Variants in CBX7 observed in about 807,000 individuals in gnomAD.
CBX7 encodes chromobox protein homolog 7.
In CBX7, 14 loss-of-function variants were observed where a neutral mutation model predicts 31.4. The observed-to-expected ratio is 0.45, with a 90% confidence interval of 0.29 to 0.70. CBX7 has a LOEUF of 0.70. Ranked by LOEUF, CBX7 falls within the 30% of genes least tolerant of loss-of-function variation. The pLI is 0.11. For missense variants in CBX7, 269 were observed against 351.9 expected (o/e 0.76, Z 1.89); for synonymous variants, 159 against 152.6 (o/e 1.04, Z -0.31).
chr22:39,141,586 T>C, intron 2 of CBX7, 150 bp from the exon 3 acceptor site: 1 of 565,326 alleles, frequency 1.8e-6, no homozygotes, highest in South Asian at 1.9e-5. Context: ...CCATCTCTAC[T>C]AAAAATACAA....
chr22:39,137,915 C>T (rs1296516403), intron 4 of CBX7, among the ~76,000 whole-genome samples: 2 of 152,134 alleles, frequency 1.3e-5, no homozygotes, highest in African/African-American at 2.4e-5. Context: ...GGCGCGGTGG[C>T]TCACGCCTGT....
intron 4 of CBX7, among the ~76,000 whole-genome samples, chr22:39,138,347 A>G (rs1930330855): frequency 6.6e-6 from 1 of 152,184 alleles, no homozygotes; most frequent in Admixed American, 6.5e-5. Context: ...TCCTTACAGC[A>G]AGATTCTAAG....
intron 3 of CBX7, 54 bp from the exon 4 acceptor site, chr22:39,138,756 G>C: frequency 6.5e-7 from 1 of 1,540,476 alleles, no homozygotes; most frequent in Non-Finnish European, 9.0e-7. Context: ...ACATCTAAGG[G>C]AAGGGAAGGC....
chr22:39,150,028 C>T (rs1291654428), intron 1 of CBX7, among the ~76,000 whole-genome samples, 196 bp from the exon 2 acceptor site: 1 of 152,170 alleles, frequency 6.6e-6, no homozygotes, highest in Non-Finnish European at 1.5e-5. Flanking sequence ...GCATGCCCGC[C>T]CCATACTGCC....
In CBX7 at chr22:39,131,998, TG is replaced by T. The variant is rs1468948702; in HGVS notation, c.*1892del. The T allele has an allele frequency of 3.3e-5, 5 of 152,384 alleles. No individual in the cohort carries two copies. Among genetic ancestry groups the T allele is most frequent in the African/African-American group, 1.2e-4 (5 of 41,442 alleles). 9.4% of individuals were successfully genotyped at this position (152,384 alleles called of 1,614,324 possible). A position where few individuals can be genotyped will look rare whatever the true frequency, so the allele number is the denominator to read the frequency against. ...ACAGCTGGAGATGGGTGGTGATTCCTGCCGCTCCTTGTCCAGACCCACCCCA... is the reference window on the plus strand; with the variant it reads ...ACAGCTGGAGATGGGTGGTGATTCCTCCGCTCCTTGTCCAGACCCACCCCA... On this transcript the variant is annotated 3_prime_UTR_variant, in exon 6 of 6. Transcript: ENST00000216133.
rs758093827 is a variant in CBX7 at position 39,133,978 on chromosome 22, G to A, written c.669C>T (p.Thr223=). 7.8e-5 allele frequency: 126 copies of A among 1,613,680 alleles called. No homozygotes were observed. The highest frequency in any genetic ancestry group is 9.9e-5 in the Non-Finnish European group (117 of 1,179,858). ...PALPSSEVTV[T]DITANSITVT... ...CGGTGATGGAGTTGGCGGTGATGTC[G>A]GTCACGGTCACCTCACTTGAGGGGA... Residue 223 remains threonine, a synonymous_variant, in exon 6 of 6, where the codon ACC becomes ACT. Coordinates refer to ENST00000216133, the MANE Select transcript of CBX7 (RefSeq NM_175709.5).
intron 2 of CBX7, among the ~76,000 whole-genome samples, chr22:39,142,918 G>C (rs2146362756): frequency 6.6e-6 from 1 of 152,094 alleles, no homozygotes; most frequent in South Asian, 2.1e-4. Context: ...GTGTGTTTGT[G>C]TCTTAGGTTT....
intron 2 of CBX7, chr22:39,149,574 C>G (rs191985014): frequency 2.9e-5 from 17 of 579,432 alleles, no homozygotes; most frequent in African/African-American, 2.3e-4. Context: ...CTCAGGAGGG[C>G]AGGGTGAGAA....
chr22:39,134,534 C>T lies in CBX7; in HGVS notation c.465G>A (p.Lys155=), dbSNP rs201581654. Residue 155 remains lysine (K), a synonymous_variant, in exon 5 of 6, where the codon AAG becomes AAA. Transcript: ENST00000216133. ...AHKYLRLSRK[K]FPPRGPNLES... ...CCAGGTTGGGCCCGCGGGGCGGGAA[C>T]TTCTTGCGCGAGAGCCGCAGGTACT... The T allele has an allele frequency of 1.1e-4, 175 of 1,611,292 alleles. 2 individuals are homozygous for T. In the Admixed American group the frequency reaches 2.9e-3, roughly 27 times the overall value.
At chr22:39,137,687 C>T (rs1930302628) in intron 4 of CBX7, among the ~76,000 whole-genome samples, 1 of 152,012 alleles carries the variant, frequency 6.6e-6, no homozygotes, top group South Asian at 2.1e-4. Flanking sequence ...CAACCTGTGA[C>T]TGCACTGCTC....
intron 2 of CBX7, among the ~76,000 whole-genome samples, chr22:39,143,823 G>A (rs1380080476): frequency 1.3e-5 from 2 of 151,350 alleles, no homozygotes; most frequent in African/African-American, 4.9e-5. Context: ...CAGCCCAGGC[G>A]TGCAGTGGGT....
chr22:39,143,058 A>C (rs1930515818), intron 2 of CBX7, among the ~76,000 whole-genome samples: 1 of 152,202 alleles, frequency 6.6e-6, no homozygotes, highest in Non-Finnish European at 1.5e-5. Context: ...GTTTGAGACA[A>C]GCCTGGCCAA....
chr22:39,144,174 G>A (rs767169376), intron 2 of CBX7, among the ~76,000 whole-genome samples: 2 of 152,146 alleles, frequency 1.3e-5, no homozygotes, highest in Non-Finnish European at 2.9e-5. Flanking sequence ...CAGAATGCTC[G>A]CCTCCTTGCT....
chr22:39,145,685 G>A (rs1398634477), intron 2 of CBX7, among the ~76,000 whole-genome samples: 2 of 150,598 alleles, frequency 1.3e-5, no homozygotes, highest in Non-Finnish European at 3.0e-5. Flanking sequence ...GCACGCACGG[G>A]GAGGGGCGCG....
chr22:39,143,149 G>A (rs1297926688), intron 2 of CBX7, among the ~76,000 whole-genome samples: 2 of 152,118 alleles, frequency 1.3e-5, no homozygotes, highest in Non-Finnish European at 2.9e-5. Flanking sequence ...AGCTACTCGG[G>A]AGGCTGAGGT....
intron 3 of CBX7, 150 bp from the exon 4 acceptor site, chr22:39,138,852 G>T: frequency 1.4e-6 from 1 of 720,344 alleles, no homozygotes. Flanking sequence ...TGCCTGGCTG[G>T]GGCCATAACA....
rs1010387274 is a variant in CBX7, at chr22:39,132,299, G to A, written c.*1592C>T. On this transcript the variant is annotated 3_prime_UTR_variant, in exon 6 of 6. Coordinates refer to ENST00000216133, the MANE Select transcript of CBX7 (RefSeq NM_175709.5). ...GACTCTGTGACTTCCTGAGGACACA[G>A]AGCAGAGCTGCGAGGAGGGCGGGCA... 1 of 152,236 alleles carries A rather than the reference G, an allele frequency of 6.6e-6. No individual in the cohort carries two copies. Among genetic ancestry groups the A allele is most frequent in the South Asian group, 2.1e-4 (1 of 4,824 alleles). 9.4% of individuals were successfully genotyped at this position (152,236 alleles called of 1,614,324 possible).
In CBX7 at chr22:39,152,517, C is replaced by T; in HGVS notation, c.-73G>A. On this transcript the variant is annotated 5_prime_UTR_variant, in exon 1 of 6. Transcript: ENST00000216133. The surrounding 1 kb of genome is among the most constrained non-coding windows in gnomAD (Gnocchi z 4.9). ...GAGCTGCGGGGCCGCGGCTGCGGCG[C>T]GCGATGCTGGGGCTGGCGGGGTCCC... 5.9e-6 allele frequency: 4 copies of T among 677,412 alleles called. No individual in the cohort carries two copies. The highest frequency in any genetic ancestry group is 7.3e-6 in the Non-Finnish European group (4 of 549,530). 42.0% of individuals were successfully genotyped at this position (677,412 alleles called of 1,614,324 possible).
At chr22:39,148,658 G>C (rs1321796844) in intron 2 of CBX7, 1 of 152,302 alleles carries the variant, frequency 6.6e-6, no homozygotes, top group Non-Finnish European at 1.5e-5. Flanking sequence ...GTGAGGGGTG[G>C]AGTGTATTCT....
Sources: allele counts gnomAD v4.1 joint callset (sites outside exome capture counted in the v4.1 genomes callset), GRCh38; gene constraint gnomAD v4.1.1; non-coding constraint Gnocchi (gnomAD v3.1); transcripts MANE v1.5; gene names NCBI Gene and HGNC (gene_info 2026-07-23, HGNC 2026-07-21).